The following DNAJC1 variants were observed in gnomAD, a reference collection of about 807,000 sequenced individuals.
The protein encoded by DNAJC1 is DnaJ heat shock protein family (Hsp40) member C1, also known as dnaJ homolog subfamily C member 1.
DNAJC1 carries 58 observed loss-of-function variants against 76.6 expected under a neutral mutation model. The ratio of observed to expected loss-of-function variants is 0.76; its 90% CI spans 0.61 to 0.94. The LOEUF (loss-of-function observed/expected upper bound fraction) is 0.94. DNAJC1 is among the 40% of genes least tolerant of loss of function. The pLI is 0.00. For missense variants in DNAJC1, 689 were observed against 677.3 expected, an observed-to-expected ratio of 1.02 and a Z score of -0.19; for synonymous variants, 258 against 267.9, an observed-to-expected ratio of 0.96 and a Z score of 0.36.
intron 9 of DNAJC1, among the ~76,000 whole-genome samples, chr10:21,773,356 C>A (rs926207083): frequency 2.0e-5 from 3 of 152,080 alleles, no homozygotes; most frequent in African/African-American, 7.2e-5. Flanking sequence ...TGATAATATT[C>A]CAATTTCCCT....
At chr10:21,814,861 G>T (rs1003503470) in intron 8 of DNAJC1, among the ~76,000 whole-genome samples, 1 of 152,150 alleles carries the variant, frequency 6.6e-6, no homozygotes, top group African/African-American at 2.4e-5. Context: ...AGAAATGTAC[G>T]TAAATCTATG....
chr10:21,845,299 A>T (rs1196619151), intron 8 of DNAJC1, among the ~76,000 whole-genome samples: 3 of 152,096 alleles, frequency 2.0e-5, no homozygotes, highest in African/African-American at 7.2e-5. Flanking sequence ...TAAGTAGTTA[A>T]TAAATGGTAC....
At chr10:21,796,914 A>C (rs1834756225) in intron 9 of DNAJC1, among the ~76,000 whole-genome samples, 1 of 152,026 alleles carries the variant, frequency 6.6e-6, no homozygotes, top group Non-Finnish European at 1.5e-5. Flanking sequence ...CACTCTGTTA[A>C]TTGTTTTCTT....
At chr10:21,904,466 CATTTA>C (rs1219698418) in intron 7 of DNAJC1, 51 bp downstream of exon 7, 13 of 1,141,994 alleles carry the variant, frequency 1.1e-5, no homozygotes, top group Non-Finnish European at 9.6e-6. Flanking sequence ...AGATAATTCA[CATTTA>C]AATAATTAAT....
rs138169106 is a variant in DNAJC1 at position 21,790,975 on chromosome 10, G to A, written c.1098+15005C>T. ...ATGAGTCAACTATACTATATGCTACGTATAAGAAATTCACTTCACTTATAA... is the reference window on the plus strand; with the variant it reads ...ATGAGTCAACTATACTATATGCTACATATAAGAAATTCACTTCACTTATAA... On this transcript the variant is annotated intron_variant, in intron 9 of 11. Coordinates refer to ENST00000376980, the MANE Select transcript of DNAJC1 (RefSeq NM_022365.4). 7.2e-5 allele frequency among the ~76,000 whole-genome samples: 11 copies of A among 152,060 alleles called. No homozygotes were observed. In the East Asian group the frequency reaches 9.6e-4, roughly 13 times the overall value.
At chr10:21,996,473 AAT>A (rs1838416951) in intron 1 of DNAJC1, among the ~76,000 whole-genome samples, 2 of 152,348 alleles carry the variant, frequency 1.3e-5, no homozygotes, top group East Asian at 3.9e-4. Flanking sequence ...CATTGAACAA[AAT>A]ATGATTGTGA....
intron 8 of DNAJC1, among the ~76,000 whole-genome samples, chr10:21,848,143 A>C (rs964442858): frequency 6.6e-6 from 1 of 152,162 alleles, no homozygotes; most frequent in Non-Finnish European, 1.5e-5. Flanking sequence ...TTTTGATAAC[A>C]GTCACTTTAA....
chr10:21,775,566 G>T (rs2131624210), intron 9 of DNAJC1, among the ~76,000 whole-genome samples: 1 of 152,192 alleles, frequency 6.6e-6, no homozygotes, highest in Non-Finnish European at 1.5e-5. Context: ...CTTTGGGGAA[G>T]TAAATTCATC....
intron 1 of DNAJC1, among the ~76,000 whole-genome samples, chr10:21,947,137 T>C (rs1004195128): frequency 6.6e-5 from 10 of 152,170 alleles, no homozygotes; most frequent in Non-Finnish European, 1.2e-4. Context: ...TTCATGTGCA[T>C]GATGTCATGT....
intron 1 of DNAJC1, among the ~76,000 whole-genome samples, chr10:21,960,555 A>T (rs1438772216): frequency 6.6e-6 from 1 of 152,040 alleles, no homozygotes; most frequent in East Asian, 1.9e-4. Flanking sequence ...CGACAAAAAA[A>T]TTACAGATAT....
At chr10:21,944,948 T>C (rs556435669) in intron 1 of DNAJC1, among the ~76,000 whole-genome samples, 5 of 152,232 alleles carry the variant, frequency 3.3e-5, no homozygotes, top group Admixed American at 1.3e-4. Flanking sequence ...GAGAAGACAA[T>C]GAACTTGCCA....
chr10:21,850,050 A>C (rs1246981153), intron 8 of DNAJC1, among the ~76,000 whole-genome samples: 4 of 152,188 alleles, frequency 2.6e-5, no homozygotes, highest in Admixed American at 6.5e-5. Flanking sequence ...TCCCGTTGAG[A>C]TCAGGAACAA....
chr10:21,809,800 T>C (rs1210036112), intron 8 of DNAJC1, among the ~76,000 whole-genome samples: 4 of 152,202 alleles, frequency 2.6e-5, no homozygotes, highest in East Asian at 1.9e-4. Context: ...TATAAATACA[T>C]GGTATAAAAA....
At chr10:21,800,627 T>C (rs60565470) in intron 9 of DNAJC1, among the ~76,000 whole-genome samples, 8,912 of 152,268 alleles carry the variant, frequency 0.059, 540 homozygotes, top group African/African-American at 0.15. Flanking sequence ...TTTATTGCCA[T>C]GAAAGATGCT....
chr10:21,941,490 C>G (rs892388906), intron 1 of DNAJC1, among the ~76,000 whole-genome samples: 5 of 151,762 alleles, frequency 3.3e-5, no homozygotes, highest in Non-Finnish European at 7.4e-5. Flanking sequence ...TAAAGAGATG[C>G]ACAGTGAAGC....
chr10:21,832,035 T>C (rs189765687), intron 8 of DNAJC1, among the ~76,000 whole-genome samples: 68 of 152,092 alleles, frequency 4.5e-4, no homozygotes, highest in Non-Finnish European at 7.4e-4. Flanking sequence ...TATAAGAAAA[T>C]GATCTGAAGT....
intron 8 of DNAJC1, among the ~76,000 whole-genome samples, chr10:21,862,789 A>C (rs911131066): frequency 2.0e-5 from 3 of 152,040 alleles, no homozygotes; most frequent in East Asian, 3.9e-4. Flanking sequence ...CACTTAGAAA[A>C]AGAAGGAAGT....
chr10:21,775,331 C>CTTTTTTTT (rs34444920), intron 9 of DNAJC1, among the ~76,000 whole-genome samples: 2 of 49,670 alleles, frequency 4.0e-5, no homozygotes, highest in Admixed American at 2.5e-4. Context: ...CTGCAAATGG[C>CTTTTTTTT]TTTTTTTTTT....
intron 8 of DNAJC1, among the ~76,000 whole-genome samples, chr10:21,867,244 T>A (rs1258264066): frequency 1.3e-5 from 2 of 152,072 alleles, no homozygotes; most frequent in Admixed American, 1.3e-4. Flanking sequence ...AGTAACTTAA[T>A]GGCCTGAAAA....
Sources: allele counts gnomAD v4.1 joint callset (sites outside exome capture counted in the v4.1 genomes callset), GRCh38; gene constraint gnomAD v4.1.1; transcripts MANE v1.5; gene names NCBI Gene and HGNC (gene_info 2026-07-23, HGNC 2026-07-21).